The following ALK variants were observed in gnomAD, a reference collection of about 807,000 sequenced individuals.
The protein encoded by ALK is ALK tyrosine kinase receptor.
A neutral mutation model predicts 163.1 loss-of-function variants in ALK; 74 were observed. The observed-to-expected ratio is 0.45, with a 90% CI of 0.38 to 0.55. The LOEUF (loss-of-function observed/expected upper bound fraction) is 0.55, where lower values mean the gene tolerates loss of function less well. Ranked by LOEUF, ALK falls within the 20% of genes least tolerant of loss-of-function variation. The probability of loss-of-function intolerance (pLI) is 0.00; values close to 1 mark genes in which losing one functional copy is unlikely to be tolerated. For missense variants in ALK, 2,063 were observed against 2,105.3 expected (o/e 0.98, Z 0.39); for synonymous variants, 960 against 843.2 (o/e 1.14, Z -2.40).
At chr2:29,873,929 A>G (rs1305549217) in intron 1 of ALK, among the ~76,000 whole-genome samples, 1 of 152,162 alleles carries the variant, frequency 6.6e-6, no homozygotes. Flanking sequence ...AGCAGATTCC[A>G]TGGGAACCTG....
At chr2:29,399,402 CA>C (rs753425779) in intron 4 of ALK, among the ~76,000 whole-genome samples, 56 of 152,330 alleles carry the variant, frequency 3.7e-4, no homozygotes, top group Middle Eastern at 6.8e-3. Flanking sequence ...CCTGTTTCCA[CA>C]CATACAACCC....
Position 29,220,696 on chromosome 2 carries a change from TCTCA to T in ALK, c.3645+6_3645+9del, listed in dbSNP as rs780363656. The T allele has an allele frequency of 8.1e-6, 13 of 1,613,366 alleles. No homozygotes were observed. The South Asian group carries it at 1.4e-4, about 18-fold the overall frequency. ...CACAACAACTGCAGCAAAGACTGGT[TCTCA>T]CTCACCGGGCGAGGGCGGGTCTCTC... On this transcript the variant is annotated splice_donor_region_variant and intron_variant, in intron 23 of 28. Coordinates refer to ENST00000389048, the MANE Select transcript of ALK (RefSeq NM_004304.5).
intron 1 of ALK, among the ~76,000 whole-genome samples, chr2:29,855,892 C>G (rs1282416066): frequency 2.0e-5 from 3 of 152,144 alleles, no homozygotes; most frequent in African/African-American, 7.2e-5. Flanking sequence ...AATTTTAAAG[C>G]CAGAAGTATC....
At chr2:29,386,265 A>G (rs185863835) in intron 4 of ALK, among the ~76,000 whole-genome samples, 1 of 152,332 alleles carries the variant, frequency 6.6e-6, no homozygotes, top group Admixed American at 6.5e-5. Flanking sequence ...TTTCCCCACA[A>G]TAGATGCTGT....
intron 3 of ALK, among the ~76,000 whole-genome samples, chr2:29,628,366 AC>A: frequency 6.6e-6 from 1 of 152,300 alleles, no homozygotes; most frequent in East Asian, 1.9e-4. Context: ...CTATTAAAAC[AC>A]GCTATATAGC....
intron 4 of ALK, among the ~76,000 whole-genome samples, chr2:29,394,905 A>G (rs1260496788): frequency 6.6e-6 from 1 of 151,658 alleles, no homozygotes; most frequent in East Asian, 1.9e-4. Flanking sequence ...ATCCCCATGG[A>G]GAAGGATAAA....
chr2:29,551,926 C>G (rs1188942032), intron 3 of ALK, among the ~76,000 whole-genome samples: 2 of 152,148 alleles, frequency 1.3e-5, no homozygotes, highest in Non-Finnish European at 2.9e-5. Flanking sequence ...ATGTACATTC[C>G]CAATGTTGTG....
At chr2:29,484,169 T>C (rs1423425538) in intron 4 of ALK, among the ~76,000 whole-genome samples, 1 of 152,158 alleles carries the variant, frequency 6.6e-6, no homozygotes. Flanking sequence ...CGATGAGATT[T>C]GGGTGGGGAC....
intron 3 of ALK, among the ~76,000 whole-genome samples, chr2:29,644,436 T>G (rs1475092483): frequency 6.6e-6 from 1 of 152,160 alleles, no homozygotes; most frequent in Non-Finnish European, 1.5e-5. Flanking sequence ...AGTTTCCTGC[T>G]ATCCTTCAGT....
chr2:29,349,629 A>C (rs956284176), intron 5 of ALK, among the ~76,000 whole-genome samples: 2 of 152,206 alleles, frequency 1.3e-5, no homozygotes, highest in Non-Finnish European at 2.9e-5. Flanking sequence ...TGCTCTGGCC[A>C]AAGGCCTCCC....
intron 3 of ALK, among the ~76,000 whole-genome samples, chr2:29,668,613 T>C (rs1007465446): frequency 1.3e-5 from 2 of 152,156 alleles, no homozygotes; most frequent in African/African-American, 2.4e-5. Flanking sequence ...CAAAGATACT[T>C]GATATGATTT....
intron 4 of ALK, among the ~76,000 whole-genome samples, chr2:29,511,914 C>T (rs1451927620): frequency 3.3e-5 from 5 of 151,998 alleles, no homozygotes; most frequent in East Asian, 3.9e-4. Context: ...TTTAGTGTAA[C>T]GTCTATTAAA....
intron 1 of ALK, among the ~76,000 whole-genome samples, chr2:29,906,716 A>G (rs552665630): frequency 6.6e-6 from 1 of 152,266 alleles, no homozygotes; most frequent in East Asian, 1.9e-4. Flanking sequence ...ATTTGCAAAA[A>G]CGAAAAGAGT....
chr2:29,507,797 G>A (rs1432588833), intron 4 of ALK, among the ~76,000 whole-genome samples: 2 of 152,104 alleles, frequency 1.3e-5, no homozygotes, highest in Non-Finnish European at 2.9e-5. Flanking sequence ...ACTTAAGATG[G>A]CCCTCATGGT....
At chr2:29,621,382 GA>G (rs1395092175) in intron 3 of ALK, among the ~76,000 whole-genome samples, 1 of 152,170 alleles carries the variant, frequency 6.6e-6, no homozygotes, top group Non-Finnish European at 1.5e-5. Flanking sequence ...TGAAATGATG[GA>G]ATTGTGGCCA....
chr2:29,371,843 C>T (rs986428783), intron 5 of ALK, among the ~76,000 whole-genome samples: 22 of 152,136 alleles, frequency 1.4e-4, no homozygotes, highest in African/African-American at 5.3e-4. Context: ...GGCCTGGCTG[C>T]ACCTCCTCCT....
intron 3 of ALK, among the ~76,000 whole-genome samples, chr2:29,691,125 C>T (rs950934910): frequency 6.6e-6 from 1 of 152,212 alleles, no homozygotes; most frequent in African/African-American, 2.4e-5. Flanking sequence ...AACAACGCTA[C>T]TTCAGGGAAA....
intron 3 of ALK, among the ~76,000 whole-genome samples, chr2:29,544,737 CG>C (rs1437095677): frequency 1.3e-5 from 2 of 152,006 alleles, no homozygotes; most frequent in Admixed American, 6.6e-5. Context: ...GGCAGAATCA[CG>C]CTCCTGGAAA....
chr2:29,465,510 ATG>A (rs1558336263), intron 4 of ALK, among the ~76,000 whole-genome samples: 3 of 152,128 alleles, frequency 2.0e-5, no homozygotes, highest in Admixed American at 2.0e-4. Flanking sequence ...CCTGGCCAAC[ATG>A]GTGAAACTCT....
Sources: allele counts gnomAD v4.1 joint callset (sites outside exome capture counted in the v4.1 genomes callset), GRCh38; gene constraint gnomAD v4.1.1; transcripts MANE v1.5; gene names NCBI Gene and HGNC (gene_info 2026-07-23, HGNC 2026-07-21).